The following CELF2 variants were observed in gnomAD, a reference collection of about 807,000 sequenced individuals.
The protein encoded by CELF2 is CUG triplet repeat RNA-binding protein 2.
CELF2 carries 8 observed loss-of-function variants against 62.6 expected under a neutral mutation model. That is an observed-to-expected ratio of 0.13 (90% CI 0.07 to 0.23). The LOEUF is 0.23. Among genes scored for constraint, CELF2 ranks in the 10% least tolerant of loss-of-function variants. The pLI, the probability that CELF2 is intolerant of heterozygous loss-of-function variation, is 1.00. For synonymous variants in CELF2, 258 were observed against 250.0 expected (o/e 1.03, Z -0.30); for missense variants, 333 against 671.0 (o/e 0.50, Z 5.56).
Position 11,332,589 on chromosome 10 carries a change from A to G in CELF2, c.*3536A>G, listed in dbSNP as rs916330435. 1 of 150,718 alleles carries G rather than the reference A, an allele frequency of 6.6e-6. No individual in the cohort carries two copies. Among genetic ancestry groups the G allele is most frequent in the East Asian group, 1.9e-4 (1 of 5,200 alleles). 9.3% of individuals were successfully genotyped at this position (150,718 alleles called of 1,614,324 possible). ...TGCTGTCTTGACAAATCCTAATGTC[A>G]CGCCTACAGCCCCAACACAAGCTCC... On this transcript the variant is annotated 3_prime_UTR_variant, in exon 13 of 13. Transcript: ENST00000633077.
At chr10:11,197,025 A>AAAGAAAGAAGGAAGGAAGGAAGG (rs1554936315) in intron 2 of CELF2, among the ~76,000 whole-genome samples, 2 of 26,048 alleles carry the variant, frequency 7.7e-5, no homozygotes, top group African/African-American at 1.8e-4. Context: ...AGAAAGAAAG[A>AAAGAAAGAAGGAAGGAAGGAAGG]AAAGAAAGAA....
chr10:11,162,368 T>C (rs2065919704), intron 1 of CELF2, among the ~76,000 whole-genome samples: 1 of 152,174 alleles, frequency 6.6e-6, no homozygotes, highest in Non-Finnish European at 1.5e-5. Flanking sequence ...TATTTCAACT[T>C]GTACAGCAAG....
chr10:11,142,808 G>A (rs547350921), intron 1 of CELF2, among the ~76,000 whole-genome samples: 81 of 152,312 alleles, frequency 5.3e-4, no homozygotes, highest in African/African-American at 1.9e-3. Flanking sequence ...GAATGGGAAG[G>A]TAAGTCGTAA....
chr10:11,245,231 A>G (rs559434959), intron 3 of CELF2, among the ~76,000 whole-genome samples: 2 of 152,292 alleles, frequency 1.3e-5, no homozygotes, highest in East Asian at 3.9e-4. Context: ...AAATCTCCCA[A>G]AGTTCTGGGA....
chr10:10,801,072 T>TC (rs1163880092), intron 1 of CELF2, among the ~76,000 whole-genome samples: 1 of 97,896 alleles, frequency 1.0e-5, no homozygotes, highest in Non-Finnish European at 2.3e-5. Context: ...CTTAACCCGT[T>TC]TTTAAAAAAA....
At chr10:10,485,690 A>G in the CELF2 span, among the ~76,000 whole-genome samples, 273 of 152,246 alleles carry the variant, frequency 1.8e-3, 3 homozygotes, top group African/African-American at 6.2e-3. Context: ...ATTTTTGCAG[A>G]ATGCTTTGTG....
chr10:10,580,460 A>C, the CELF2 span, among the ~76,000 whole-genome samples: 1 of 152,146 alleles, frequency 6.6e-6, no homozygotes, highest in Admixed American at 6.6e-5. Flanking sequence ...TAAGCTCACA[A>C]CCTGTTCCTG....
chr10:10,616,835 A>G, the CELF2 span, among the ~76,000 whole-genome samples: 1 of 151,668 alleles, frequency 6.6e-6, no homozygotes, highest in Non-Finnish European at 1.5e-5. Context: ...CGATCCTTCC[A>G]CCTCAGCCTC....
chr10:10,464,427 T>A, the CELF2 span, among the ~76,000 whole-genome samples: 1 of 152,292 alleles, frequency 6.6e-6, no homozygotes, highest in South Asian at 2.1e-4. Context: ...TACTTGTCTT[T>A]TTTTTTATTG....
intron 1 of CELF2, among the ~76,000 whole-genome samples, chr10:11,123,085 G>GT (rs1459926158): frequency 6.6e-6 from 1 of 150,556 alleles, no homozygotes; most frequent in Non-Finnish European, 1.5e-5. Flanking sequence ...GTTCCTCCCG[G>GT]TCCTCAGTCT....
intron 1 of CELF2, among the ~76,000 whole-genome samples, chr10:10,799,414 G>A (rs2054418044): frequency 1.3e-5 from 2 of 152,038 alleles, no homozygotes; most frequent in Non-Finnish European, 2.9e-5. Context: ...AACTTAGGAG[G>A]TGGAGGTTGC....
intron 1 of CELF2, among the ~76,000 whole-genome samples, chr10:11,080,649 A>G (rs2073754743): frequency 1.3e-5 from 2 of 152,226 alleles, no homozygotes. Context: ...TTGGTGCATG[A>G]CAGTGATTTG....
intron 1 of CELF2, chr10:11,030,751 G>C (rs973783721): frequency 6.6e-6 from 1 of 152,216 alleles, no homozygotes; most frequent in African/African-American, 2.4e-5. Context: ...CAGGTTCTTA[G>C]CTATGACCCA....
intron 2 of CELF2, among the ~76,000 whole-genome samples, chr10:11,208,330 G>A (rs2135539088): frequency 6.6e-6 from 1 of 152,306 alleles, no homozygotes; most frequent in South Asian, 2.1e-4. Flanking sequence ...CACGGTTTCT[G>A]TGACACAGGC....
At chr10:11,204,247 G>A (rs1348475392) in intron 2 of CELF2, among the ~76,000 whole-genome samples, 1 of 152,162 alleles carries the variant, frequency 6.6e-6, no homozygotes, top group Non-Finnish European at 1.5e-5. Context: ...GCTTGGCACT[G>A]TGTATACATT....
rs976607182 is a variant in CELF2, at chr10:11,280,431, C to T, written c.841+5311C>T. On this transcript the variant is annotated intron_variant, in intron 8 of 12. Coordinates refer to ENST00000633077, the MANE Select transcript of CELF2 (RefSeq NM_001326342.2). This position sits in a 1 kb window ranked among gnomAD's most constrained non-coding sequence, Gnocchi z 7.6. ...TGCCTTTCCCCAAAACCGTTTCTCCCCCGCATAGGAGGGGAAGGCAGGCAG... is the reference window on the plus strand; with the variant it reads ...TGCCTTTCCCCAAAACCGTTTCTCCTCCGCATAGGAGGGGAAGGCAGGCAG... Among the ~76,000 whole-genome samples, 3 of 152,212 alleles carry T rather than the reference C, an allele frequency of 2.0e-5. No individual in the cohort carries two copies. Among genetic ancestry groups the T allele is most frequent in the Non-Finnish European group, 2.9e-5 (2 of 68,022 alleles).
At chr10:10,842,979 T>C (rs1181466459) in intron 1 of CELF2, among the ~76,000 whole-genome samples, 3 of 152,180 alleles carry the variant, frequency 2.0e-5, no homozygotes, top group African/African-American at 7.2e-5. Flanking sequence ...TTAGTAAATA[T>C]AGGGCTATTC....
At chr10:11,129,125 A>G (rs572986938) in intron 1 of CELF2, among the ~76,000 whole-genome samples, 112 of 152,304 alleles carry the variant, frequency 7.4e-4, no homozygotes, top group African/African-American at 2.0e-3. Context: ...TTCTGCATCT[A>G]TTGAGATAAT....
Position 11,285,374 on chromosome 10 carries a change from C to A in CELF2, c.842-3044C>A, listed in dbSNP as rs1174901905. Among the ~76,000 whole-genome samples the A allele has an allele frequency of 6.6e-6, 1 of 152,136 alleles. No homozygotes were observed. The highest frequency in any genetic ancestry group is 1.5e-5 in the Non-Finnish European group (1 of 68,018). ...ATGCCCCCGTGTGGTGCCTCAGAGA[C>A]TCAGCCACTCCCCCTGGACTTTCCA... On this transcript the variant is annotated intron_variant, in intron 8 of 12. Transcript: ENST00000633077. The surrounding 1 kb of genome is among the most constrained non-coding windows in gnomAD (Gnocchi z 4.3).
Sources: gnomAD v4.1 joint callset for allele counts (sites outside exome capture counted in the v4.1 genomes callset) on GRCh38, gnomAD v4.1.1 for gene constraint, Gnocchi (gnomAD v3.1) non-coding constraint, MANE v1.5 for transcripts, NCBI Gene and HGNC (gene_info 2026-07-23, HGNC 2026-07-21) for gene names.